The following TFB2M variants were observed in gnomAD, a reference collection of about 807,000 sequenced individuals.
TFB2M encodes the protein transcription factor B2, mitochondrial.
TFB2M carries 44 observed loss-of-function variants against 41.3 expected under a neutral mutation model. The ratio of observed to expected loss-of-function variants is 1.07; its 90% confidence interval spans 0.84 to 1.37. The LOEUF (loss-of-function observed/expected upper bound fraction) is 1.37, where lower values mean the gene tolerates loss of function less well. Among genes scored for constraint, TFB2M ranks in the 40% most tolerant of loss-of-function variants. The pLI, the probability that TFB2M is intolerant of heterozygous loss-of-function variation, is 0.00. For missense variants in TFB2M, 496 were observed against 490.2 expected (o/e 1.01, Z -0.11); for synonymous variants, 188 against 176.8 (o/e 1.06, Z -0.50).
At chr1:246,560,650 A>G (rs1057495637) in intron 2 of TFB2M, among the ~76,000 whole-genome samples, 1 of 152,254 alleles carries the variant, frequency 6.6e-6, no homozygotes, top group Admixed American at 6.5e-5. Context: ...TTCAAACATG[A>G]TAATAATCAA....
chr1:246,544,416 TG>T, intron 7 of TFB2M, 104 bp downstream of exon 7: 1 of 1,022,088 alleles, frequency 9.8e-7, no homozygotes, highest in Non-Finnish European at 1.4e-6. Flanking sequence ...AGGGAAAACA[TG>T]GTACCTCACT....
rs186097683 is a variant in TFB2M at position 246,556,165 on chromosome 1, C to T, written c.705+408G>A. ...CTATAACATTGATGAACCTTGAAAA[C>T]ATTATGCTAAGTGAAATACGCCAGA... On this transcript the variant is annotated intron_variant, in intron 4 of 7. Coordinates refer to ENST00000366514, the MANE Select transcript of TFB2M (RefSeq NM_022366.3). 3.3e-4 allele frequency among the ~76,000 whole-genome samples: 50 copies of T among 152,254 alleles called. No homozygotes were observed. In the East Asian group the frequency reaches 8.7e-3, roughly 26 times the overall value.
At chr1:246,557,661 GT>G (rs990898420) in intron 2 of TFB2M, 127 bp from the exon 3 acceptor site, 19 of 838,012 alleles carry the variant, frequency 2.3e-5, no homozygotes, top group Admixed American at 3.7e-5. Flanking sequence ...ATTACCTGGG[GT>G]TTTTTTGTTT....
chr1:246,545,716 G>A, intron 6 of TFB2M, among the ~76,000 whole-genome samples: 1 of 148,070 alleles, frequency 6.8e-6, no homozygotes, highest in South Asian at 2.2e-4. Flanking sequence ...AGGAGGCTCA[G>A]ATGGGAGGAT....
At chr1:246,545,119 T>C (rs896876586) in intron 6 of TFB2M, among the ~76,000 whole-genome samples, 3 of 152,210 alleles carry the variant, frequency 2.0e-5, no homozygotes, top group Non-Finnish European at 4.4e-5. Flanking sequence ...ATTTTCTTAT[T>C]GTGTACACCA....
chr1:246,564,066 C>G (rs1319688414), intron 2 of TFB2M, among the ~76,000 whole-genome samples: 7 of 152,172 alleles, frequency 4.6e-5, no homozygotes, highest in Admixed American at 4.6e-4. Flanking sequence ...AATGGGGAAA[C>G]AAGCCTAGGG....
chr1:246,553,799 A>G lies in TFB2M; in HGVS notation c.706-2497T>C, dbSNP rs561005052. The stretch of plus-strand genomic sequence containing the variant: ...CCACCCAAAGCAATCTCCAGATTCA[A>G]CGCAATCCCTAGGAAAATCCTAACG... On this transcript the variant is annotated intron_variant, in intron 4 of 7. Coordinates refer to ENST00000366514, the MANE Select transcript of TFB2M (RefSeq NM_022366.3). 5.3e-5 allele frequency among the ~76,000 whole-genome samples: 8 copies of G among 152,366 alleles called. No individual in the cohort carries two copies. The East Asian group carries it at 1.5e-3, about 29-fold the overall frequency.
rs1005391098 is a variant in TFB2M, at chr1:246,540,706, T to C, written c.*325A>G. Reference sequence around the variant, plus strand: ...TTTGCTTACTTTCTAAGCTTAATAATGTACAGACTCTTGCTCTTCAAGAAG... The same window carrying C: ...TTTGCTTACTTTCTAAGCTTAATAACGTACAGACTCTTGCTCTTCAAGAAG... On this transcript the variant is annotated 3_prime_UTR_variant, in exon 8 of 8. Coordinates refer to ENST00000366514, the MANE Select transcript of TFB2M (RefSeq NM_022366.3). 4 of 214,530 alleles carry C rather than the reference T, an allele frequency of 1.9e-5. No homozygotes were observed. Among genetic ancestry groups the C allele is most frequent in the Admixed American group, 5.5e-5 (1 of 18,046 alleles). The allele number at this position is 214,530 out of a possible 1,614,324, so 13.3% of individuals were successfully genotyped here. A position where few individuals can be genotyped will look rare whatever the true frequency, so the allele number is the denominator to read the frequency against.
chr1:246,560,967 G>A (rs1000025298), intron 2 of TFB2M, among the ~76,000 whole-genome samples: 21 of 152,076 alleles, frequency 1.4e-4, no homozygotes, highest in African/African-American at 4.8e-4. Flanking sequence ...CAAAAAATTC[G>A]TCGGTCGTGG....
At chr1:246,563,553 G>A (rs1659512175) in intron 2 of TFB2M, among the ~76,000 whole-genome samples, 1 of 151,574 alleles carries the variant, frequency 6.6e-6, no homozygotes, top group South Asian at 2.1e-4. Context: ...ACAGTGAGCC[G>A]AGATCGCACC....
Position 246,556,066 on chromosome 1 carries a change from C to G in TFB2M, c.705+507G>C, listed in dbSNP as rs181460679. 2.6e-5 allele frequency among the ~76,000 whole-genome samples: 4 copies of G among 152,284 alleles called. No homozygotes were observed. In the East Asian group the frequency reaches 7.7e-4, roughly 29 times the overall value. On this transcript the variant is annotated intron_variant, in intron 4 of 7. Transcript: ENST00000366514. The stretch of plus-strand genomic sequence containing the variant: ...TTGGCCTCCCAGAGTGCTGGGATTA[C>G]AGGAGTGAGCCACCGTGCCCGGCCA...
chr1:246,563,073 T>C (rs534896945), intron 2 of TFB2M, among the ~76,000 whole-genome samples: 1 of 152,254 alleles, frequency 6.6e-6, no homozygotes, highest in South Asian at 2.1e-4. Context: ...TAAAATGTGG[T>C]GTACAGTAAC....
intron 4 of TFB2M, among the ~76,000 whole-genome samples, chr1:246,552,157 C>T (rs1345449986): frequency 6.6e-6 from 1 of 152,056 alleles, no homozygotes. Context: ...CACATGTAGT[C>T]CCAGCTACTC....
At chr1:246,542,534 A>ATAGTGG (rs1242807631) in intron 7 of TFB2M, among the ~76,000 whole-genome samples, 1 of 151,974 alleles carries the variant, frequency 6.6e-6, no homozygotes, top group Non-Finnish European at 1.5e-5. Flanking sequence ...TTAGCTGGGC[A>ATAGTGG]TAGTGGTGGG....
At position 246,548,591 on chromosome 1, in the gene TFB2M, A is replaced by T. The variant is rs779357113; in HGVS notation, c.812T>A (p.Phe271Tyr). Residue 271 changes from phenylalanine to tyrosine, a missense_variant, in exon 6 of 8, where the codon TTT (phenylalanine) becomes TAT (tyrosine). Physicochemically the swap from Phe to Tyr is conservative, Grantham distance 22. Coordinates refer to ENST00000366514, the MANE Select transcript of TFB2M (RefSeq NM_022366.3). The part of the protein sequence containing the change: ...KVLHMEPWSS[F>Y]DIYTRKGPLE... ...CGGCCCTTTCCGGGTGTATATATCA[A>T]ATGATGACCAAGGCTCCTGGGGAAG... is the stretch of plus-strand genomic sequence containing the variant. The T allele has an allele frequency of 7.4e-6, 12 of 1,613,364 alleles. No individual in the cohort carries two copies. In the South Asian group the frequency reaches 1.2e-4, roughly 16 times the overall value.
chr1:246,558,789 C>T (rs1270273094), intron 2 of TFB2M, among the ~76,000 whole-genome samples: 1 of 152,124 alleles, frequency 6.6e-6, no homozygotes, highest in Non-Finnish European at 1.5e-5. Context: ...AACTATACAC[C>T]TTGTTTGCTG....
At chr1:246,557,819 G>A (rs1473697309) in intron 2 of TFB2M, among the ~76,000 whole-genome samples, 1 of 151,856 alleles carries the variant, frequency 6.6e-6, no homozygotes, top group Non-Finnish European at 1.5e-5. Flanking sequence ...ACAGGTGCGT[G>A]CCACCACACC....
intron 2 of TFB2M, 119 bp from the exon 3 acceptor site, chr1:246,557,653 T>A: frequency 2.3e-6 from 2 of 859,800 alleles, no homozygotes; most frequent in Middle Eastern, 3.3e-4. Flanking sequence ...ATAATTCAAT[T>A]ACCTGGGGTT....
intron 4 of TFB2M, among the ~76,000 whole-genome samples, chr1:246,553,545 G>A (rs984083266): frequency 2.6e-5 from 4 of 152,062 alleles, no homozygotes; most frequent in African/African-American, 9.7e-5. Context: ...GTGCACGCCT[G>A]TAGTCCCACC....
Sources: gnomAD v4.1 joint callset for allele counts (sites outside exome capture counted in the v4.1 genomes callset) on GRCh38, gnomAD v4.1.1 for gene constraint, MANE v1.5 for transcripts, NCBI Gene and HGNC (gene_info 2026-07-23, HGNC 2026-07-21) for gene names.